MSH3: variants seen among roughly 807,000 people sequenced by gnomAD.
MSH3 encodes mutS homolog 3.
Under a neutral mutation model 123.3 loss-of-function variants are expected in MSH3, and 106 were observed. That is an observed-to-expected ratio of 0.86 (90% CI 0.73 to 1.01). The LOEUF (loss-of-function observed/expected upper bound fraction) is 1.01, where lower values mean the gene tolerates loss of function less well. Among genes scored for constraint, MSH3 ranks in the 50% least tolerant of loss-of-function variants. The probability of loss-of-function intolerance (pLI) is 0.00; values close to 1 mark genes in which losing one functional copy is unlikely to be tolerated. For missense variants in MSH3, 1,459 were observed against 1,347.6 expected (o/e 1.08, Z -1.29); for synonymous variants, 515 against 481.4 (o/e 1.07, Z -0.91).
chr5:80,796,925 CT>C (rs1276380644), intron 19 of MSH3, among the ~76,000 whole-genome samples: 10 of 152,140 alleles, frequency 6.6e-5, no homozygotes, highest in Non-Finnish European at 1.5e-5. Context: ...GCCACTCTCC[CT>C]TTTGAATTCA....
intron 21 of MSH3, among the ~76,000 whole-genome samples, chr5:80,856,691 TAAAGTA>T (rs1445187564): frequency 6.6e-6 from 1 of 151,988 alleles, no homozygotes; most frequent in Non-Finnish European, 1.5e-5. Context: ...CCCTAAAACT[TAAAGTA>T]TAATAATAAT....
Position 80,860,332 on chromosome 5 carries a change from C to A in MSH3, c.3001-4481C>A, listed in dbSNP as rs138056006. Among the ~76,000 whole-genome samples, 484 of 152,178 alleles carry A rather than the reference C, an allele frequency of 3.2e-3. 1 individual carries two copies. Among genetic ancestry groups the A allele is most frequent in the African/African-American group, 0.011 (460 of 41,508 alleles). On this transcript the variant is annotated intron_variant, in intron 21 of 23. Coordinates refer to ENST00000265081, the MANE Select transcript of MSH3 (RefSeq NM_002439.5). The stretch of plus-strand genomic sequence containing the variant: ...TTTCCTTAAACATTTCAGGATAGAT[C>A]TGCTGGCTACAAATCCTCAATTTTT...
In MSH3 at chr5:80,768,867, T is replaced by C. The variant is rs1744168726; in HGVS notation, c.2117T>C (p.Leu706Pro). 6.2e-7 allele frequency: 1 copy of C among 1,611,048 alleles called. No homozygotes were observed. Among genetic ancestry groups the C allele is most frequent in the Non-Finnish European group, 8.5e-7 (1 of 1,177,542 alleles). ...VGDKTELFKD[L>P]SDFPLIKKRK... ...GATAAAACTGAATTATTTAAAGACCTTTCTGACTTCCCTTTAATAAAAAAG... is the reference window on the plus strand; with the variant it reads ...GATAAAACTGAATTATTTAAAGACCCTTCTGACTTCCCTTTAATAAAAAAG... The change falls in exon 15 of 24, where the codon CTT becomes CCT. Residue 706 changes from leucine (L) to proline (P), a missense_variant. Physicochemically the swap from Leu to Pro is moderately conservative, Grantham distance 98 (BLOSUM62 -3). Transcript: ENST00000265081.
At chr5:80,840,438 T>C (rs1280410875) in intron 20 of MSH3, among the ~76,000 whole-genome samples, 1 of 152,060 alleles carries the variant, frequency 6.6e-6, no homozygotes, top group African/African-American at 2.4e-5. Flanking sequence ...TTCTTTTTTT[T>C]TTCTTTGCTC....
At chr5:80,846,423 C>T (rs1014205313) in intron 20 of MSH3, among the ~76,000 whole-genome samples, 6 of 152,064 alleles carry the variant, frequency 3.9e-5, no homozygotes, top group Admixed American at 3.3e-4. Context: ...CTGAGAGAAC[C>T]GCTGCTGTCT....
chr5:80,658,660 C>T (rs532982223), intron 2 of MSH3, among the ~76,000 whole-genome samples: 1 of 152,114 alleles, frequency 6.6e-6, no homozygotes, highest in African/African-American at 2.4e-5. Flanking sequence ...GTGGCAGGGT[C>T]ATTGCTCATG....
chr5:80,701,767 C>T (rs898440406), intron 8 of MSH3, among the ~76,000 whole-genome samples: 3 of 152,186 alleles, frequency 2.0e-5, no homozygotes, highest in Admixed American at 2.0e-4. Flanking sequence ...AACCTCCCTG[C>T]TGAAGGGAGA....
chr5:80,802,452 T>C (rs1561483158), intron 19 of MSH3, among the ~76,000 whole-genome samples: 2 of 151,158 alleles, frequency 1.3e-5, no homozygotes, highest in African/African-American at 4.8e-5. Flanking sequence ...ATAGTAGGTG[T>C]GTATATTTAT....
At position 80,755,093 on chromosome 5, in the gene MSH3, G is replaced by A. The variant is rs555352137; in HGVS notation, c.1764-6453G>A. Among the ~76,000 whole-genome samples, 29 of 152,278 alleles carry A rather than the reference G, an allele frequency of 1.9e-4. No individual in the cohort carries two copies. The Middle Eastern group carries it at 0.01, about 54-fold the overall frequency. On this transcript the variant is annotated intron_variant, in intron 12 of 23. Coordinates refer to ENST00000265081, the MANE Select transcript of MSH3 (RefSeq NM_002439.5). ...TACTGCTCGGAAATGGGAAGGGAGA[G>A]TAGCAGGTGGTGCGTAATTGAGAGC...
intron 20 of MSH3, among the ~76,000 whole-genome samples, chr5:80,829,596 A>G (rs1173903968): frequency 2.0e-5 from 3 of 152,120 alleles, no homozygotes; most frequent in Non-Finnish European, 4.4e-5. Context: ...CTACTTAGTT[A>G]TGGTCTGTTT....
At chr5:80,669,847 A>C (rs924180214) in intron 3 of MSH3, among the ~76,000 whole-genome samples, 9 of 152,228 alleles carry the variant, frequency 5.9e-5, no homozygotes, top group African/African-American at 2.2e-4. Flanking sequence ...AAACATTAAG[A>C]TATTTAGACT....
chr5:80,847,296 G>C (rs554538572), intron 20 of MSH3, among the ~76,000 whole-genome samples: 1 of 151,824 alleles, frequency 6.6e-6, no homozygotes, highest in African/African-American at 2.4e-5. Flanking sequence ...CTGACCTCAA[G>C]TGATCTGCCT....
At chr5:80,823,062 T>A (rs6151892) in intron 20 of MSH3, among the ~76,000 whole-genome samples, 18,930 of 152,212 alleles carry the variant, frequency 0.12, 1,484 homozygotes, top group East Asian at 0.35. Context: ...AAGATACGCT[T>A]GTTACAATAT....
intron 17 of MSH3, among the ~76,000 whole-genome samples, chr5:80,779,149 C>T (rs1291886846): frequency 2.6e-5 from 4 of 151,996 alleles, no homozygotes; most frequent in Non-Finnish European, 4.4e-5. Flanking sequence ...CCCACCACTA[C>T]ACCCAGCTAA....
In MSH3 at chr5:80,876,063, A is replaced by G; in HGVS notation, c.*201A>G. 1 of 564,560 alleles carries G rather than the reference A, an allele frequency of 1.8e-6. No homozygotes were observed. 35.0% of individuals were successfully genotyped at this position (564,560 alleles called of 1,614,324 possible). On this transcript the variant is annotated 3_prime_UTR_variant, in exon 24 of 24. Transcript: ENST00000265081. ...CTTCCTAACTTTTCTACGTATAAAC[A>G]CTCTTGAATAGACTTCCACTTTGTA...
chr5:80,662,752 A>G (rs530024156), intron 2 of MSH3, among the ~76,000 whole-genome samples: 31 of 152,032 alleles, frequency 2.0e-4, no homozygotes, highest in African/African-American at 7.0e-4. Context: ...ACTTGAATCC[A>G]GGAGGCAGAG....
At chr5:80,655,516 C>T (rs1041979423) in intron 1 of MSH3, 2 of 197,514 alleles carry the variant, frequency 1.0e-5, no homozygotes, top group African/African-American at 4.6e-5. Context: ...GATAAAGTTT[C>T]TTAGGATGGT....
At chr5:80,664,582 A>C (rs539446131) in intron 2 of MSH3, among the ~76,000 whole-genome samples, 1 of 152,322 alleles carries the variant, frequency 6.6e-6, no homozygotes, top group Non-Finnish European at 1.5e-5. Flanking sequence ...GAGGAAGGAC[A>C]GTTGTCTTTG....
At chr5:80,839,783 A>C (rs1318101854) in intron 20 of MSH3, among the ~76,000 whole-genome samples, 6 of 152,158 alleles carry the variant, frequency 3.9e-5, no homozygotes. Context: ...CAAAAATTAT[A>C]ATTACAGAAG....
Sources: allele counts gnomAD v4.1 joint callset (sites outside exome capture counted in the v4.1 genomes callset), GRCh38; gene constraint gnomAD v4.1.1; transcripts MANE v1.5; gene names NCBI Gene and HGNC (gene_info 2026-07-23, HGNC 2026-07-21).